The following CLPB variants were observed in gnomAD, a reference collection of about 807,000 sequenced individuals.
CLPB encodes mitochondrial disaggregase.
CLPB carries 40 observed loss-of-function variants against 78.4 expected under a neutral mutation model. The ratio of observed to expected loss-of-function variants is 0.51; its 90% confidence interval spans 0.40 to 0.66. CLPB has a LOEUF of 0.66. Ranked by LOEUF, CLPB falls within the 30% of genes least tolerant of loss-of-function variation. CLPB has a pLI of 0.00. For synonymous variants in CLPB, 333 were observed against 348.0 expected (o/e 0.96, Z 0.48); for missense variants, 780 against 886.9 (o/e 0.88, Z 1.53).
chr11:72,342,816 C>T (rs969347502), intron 5 of CLPB, among the ~76,000 whole-genome samples: 13 of 152,198 alleles, frequency 8.5e-5, no homozygotes, highest in African/African-American at 2.7e-4. Flanking sequence ...CCGTAGAAGG[C>T]GGCAGCTTTT....
At chr11:72,353,650 T>A (rs1950654519) in intron 5 of CLPB, among the ~76,000 whole-genome samples, 1 of 152,192 alleles carries the variant, frequency 6.6e-6, no homozygotes, top group Non-Finnish European at 1.5e-5. Context: ...CTGGCCTTCA[T>A]CCACCTTGGT....
At chr11:72,380,141 T>C in intron 4 of CLPB, 140 bp downstream of exon 4, 1 of 655,134 alleles carries the variant, frequency 1.5e-6, no homozygotes, top group East Asian at 2.7e-5. Flanking sequence ...CCAAGCCCTT[T>C]GGGGTCTCCA....
intron 3 of CLPB, among the ~76,000 whole-genome samples, chr11:72,402,489 G>C (rs556554909): frequency 5.4e-4 from 82 of 152,252 alleles, no homozygotes; most frequent in African/African-American, 1.9e-3. Context: ...TGATAGGATG[G>C]GGGAGGGGGC....
intron 3 of CLPB, among the ~76,000 whole-genome samples, chr11:72,387,343 C>T (rs1162755723): frequency 1.3e-5 from 2 of 152,102 alleles, no homozygotes; most frequent in Non-Finnish European, 2.9e-5. Context: ...CATAAAGTAG[C>T]TTAGAACAGT....
At chr11:72,412,875 C>A (rs1855917557) in intron 2 of CLPB, among the ~76,000 whole-genome samples, 1 of 152,224 alleles carries the variant, frequency 6.6e-6, no homozygotes, top group Non-Finnish European at 1.5e-5. Flanking sequence ...TGTCCCATCT[C>A]TCTTACAGAA....
At chr11:72,386,849 T>C (rs1590879720) in intron 3 of CLPB, among the ~76,000 whole-genome samples, 1 of 152,226 alleles carries the variant, frequency 6.6e-6, no homozygotes, top group South Asian at 2.1e-4. Context: ...TAGAAGTCTG[T>C]TGGGTTCTCA....
intron 2 of CLPB, among the ~76,000 whole-genome samples, chr11:72,410,563 T>C (rs1590914265): frequency 6.6e-6 from 1 of 152,190 alleles, no homozygotes; most frequent in East Asian, 1.9e-4. Flanking sequence ...TTTAAAGAAG[T>C]GACAGAGTAA....
At position 72,287,082 on chromosome 11, in the gene CLPB, C is replaced by T. The variant is rs1949399919; in HGVS notation, c.*6285G>A. On this transcript the variant is annotated 3_prime_UTR_variant, in exon 16 of 16. Transcript: ENST00000538039. ...CCTTATGTAATCAGAGTGTGCAATT[C>T]AACTTGATTTTATTTGGGATTTTTG... 6.6e-6 allele frequency: 1 copy of T among 151,990 alleles called. No homozygotes were observed. The highest frequency in any genetic ancestry group is 2.4e-5 in the African/African-American group (1 of 41,366). The allele number at this position is 151,990 out of a possible 1,614,324, so 9.4% of individuals were successfully genotyped here.
chr11:72,378,282 C>T (rs893292500), intron 4 of CLPB, among the ~76,000 whole-genome samples: 9 of 152,194 alleles, frequency 5.9e-5, no homozygotes, highest in Non-Finnish European at 1.0e-4. Context: ...TGTATTAGTT[C>T]GTTTTCATCA....
rs1468971927 is a variant in CLPB at position 72,292,728 on chromosome 11, C to T, written c.*639G>A. The T allele has an allele frequency of 1.3e-5, 2 of 152,604 alleles. No homozygotes were observed. The highest frequency in any genetic ancestry group is 2.9e-5 in the Non-Finnish European group (2 of 68,410). The allele number at this position is 152,604 out of a possible 1,614,324, so 9.5% of individuals were successfully genotyped here. ...GGCCTAGTCCCCAAGGCTGACGAAACATGGTCTGGCCTGACCCCAGGACGT... is the reference window on the plus strand; with the variant it reads ...GGCCTAGTCCCCAAGGCTGACGAAATATGGTCTGGCCTGACCCCAGGACGT... On this transcript the variant is annotated 3_prime_UTR_variant, in exon 16 of 16. Coordinates refer to ENST00000538039, the MANE Select transcript of CLPB (RefSeq NM_001258392.3).
At chr11:72,377,640 AAGGG>A (rs1854752236) in intron 4 of CLPB, among the ~76,000 whole-genome samples, 1 of 63,212 alleles carries the variant, frequency 1.6e-5, no homozygotes, top group African/African-American at 6.2e-5. Context: ...AAAGAAAAGA[AAGGG>A]AAGCAAAGGG....
intron 3 of CLPB, among the ~76,000 whole-genome samples, chr11:72,399,032 T>C (rs931529018): frequency 3.3e-5 from 5 of 151,066 alleles, no homozygotes; most frequent in African/African-American, 1.2e-4. Flanking sequence ...ATATGTTTGC[T>C]GAATATACAT....
At chr11:72,422,182 C>T (rs1459141040) in intron 2 of CLPB, among the ~76,000 whole-genome samples, 2 of 143,516 alleles carry the variant, frequency 1.4e-5, no homozygotes, top group Admixed American at 1.5e-4. Flanking sequence ...AGGAGAATGG[C>T]GTGAACCCGA....
chr11:72,342,442 G>A (rs559705289), intron 5 of CLPB, among the ~76,000 whole-genome samples: 14 of 152,152 alleles, frequency 9.2e-5, no homozygotes, highest in African/African-American at 3.4e-4. Flanking sequence ...AAGAAGTGAG[G>A]ATCCTTAGCT....
chr11:72,402,938 G>A lies in CLPB; in HGVS notation c.542+28C>T, dbSNP rs746656739. ...ACAGTCTGCAGAGATCTGCCTAAAG[G>A]AGCCCTGTGTGGAAGGTGGTCTCTC... On this transcript the variant is annotated intron_variant, in intron 3 of 15. Transcript: ENST00000538039. 3 of 1,597,618 alleles carry A rather than the reference G, an allele frequency of 1.9e-6. No homozygotes were observed. In the East Asian group the frequency reaches 6.7e-5, roughly 36 times the overall value.
intron 2 of CLPB, among the ~76,000 whole-genome samples, chr11:72,417,679 C>T (rs1856063217): frequency 6.6e-6 from 1 of 152,166 alleles, no homozygotes; most frequent in African/African-American, 2.4e-5. Flanking sequence ...GCAGAGAGTG[C>T]CTCATACCTA....
At chr11:72,397,169 C>T (rs576798560) in intron 3 of CLPB, among the ~76,000 whole-genome samples, 1 of 152,204 alleles carries the variant, frequency 6.6e-6, no homozygotes, top group South Asian at 2.1e-4. Context: ...GAGCAGGTAG[C>T]TTTTTGTGTT....
At chr11:72,364,107 C>T (rs1950894771) in intron 4 of CLPB, among the ~76,000 whole-genome samples, 1 of 152,160 alleles carries the variant, frequency 6.6e-6, no homozygotes, top group African/African-American at 2.4e-5. Flanking sequence ...TGAGTTACTT[C>T]ATCTCATCAT....
At chr11:72,411,582 C>T (rs1317592879) in intron 2 of CLPB, among the ~76,000 whole-genome samples, 1 of 152,172 alleles carries the variant, frequency 6.6e-6, no homozygotes, top group Non-Finnish European at 1.5e-5. Context: ...AGACGCTGCA[C>T]TCAGCAAGAC....
Sources: gnomAD v4.1 joint callset for allele counts (sites outside exome capture counted in the v4.1 genomes callset) on GRCh38, gnomAD v4.1.1 for gene constraint, MANE v1.5 for transcripts, NCBI Gene and HGNC (gene_info 2026-07-23, HGNC 2026-07-21) for gene names.